Variants in ABCA6 observed in about 807,000 individuals in gnomAD.
The protein encoded by ABCA6 is ATP-binding cassette sub-family A member 6.
ABCA6 carries 164 observed loss-of-function variants against 191.2 expected under a neutral mutation model. The ratio of observed to expected loss-of-function variants is 0.86; its 90% CI spans 0.76 to 0.98. The LOEUF (loss-of-function observed/expected upper bound fraction) is 0.98, where lower values mean the gene tolerates loss of function less well. ABCA6 is among the 50% of genes least tolerant of loss of function. ABCA6 has a pLI of 0.00. For synonymous variants in ABCA6, 636 were observed against 647.7 expected (o/e 0.98, Z 0.27); for missense variants, 1,958 against 1,894.1 (o/e 1.03, Z -0.63).
chr17:69,104,746 G>C (rs933383475), intron 20 of ABCA6: 2 of 148,914 alleles, frequency 1.3e-5, no homozygotes, highest in African/African-American at 4.9e-5. Context: ...AAGGAGGGCA[G>C]ATCACTTGAG....
rs1598435109 is a variant in ABCA6, at chr17:69,079,044, C to T, written c.4783G>A (p.Val1595Ile). 1 of 1,612,096 alleles carries T rather than the reference C, an allele frequency of 6.2e-7. No individual in the cohort carries two copies. The highest frequency in any genetic ancestry group is 2.2e-5 in the East Asian group (1 of 44,746). ...VFLELSKEQEVGNFDEEIDTT... is the reference protein window; with the variant it reads ...VFLELSKEQEIGNFDEEIDTT... ...TCAATTTCTTCATCAAAATTTCCTA[C>T]TTCCTGTTCTTTAGAAAGCTCTAAG... The change falls in exon 39 of 39, where the codon GTA (valine) becomes ATA (isoleucine). Residue 1595 changes from valine to isoleucine, a missense_variant. Coordinates refer to ENST00000284425, the MANE Select transcript of ABCA6 (RefSeq NM_080284.3).
chr17:69,088,088 A>G, intron 28 of ABCA6, 79 bp downstream of exon 28: 9 of 1,230,012 alleles, frequency 7.3e-6, no homozygotes, highest in Non-Finnish European at 9.0e-6. Context: ...GTAAATCTGT[A>G]TTAACAAGAT....
At chr17:69,093,164 A>T (rs982682124) in intron 25 of ABCA6, among the ~76,000 whole-genome samples, 2 of 152,164 alleles carry the variant, frequency 1.3e-5, no homozygotes, top group African/African-American at 4.8e-5. Context: ...CAAGTTACTA[A>T]ATTTTTTCCT....
At chr17:69,088,348 G>A in intron 27 of ABCA6, 90 bp from the exon 28 acceptor site, 2 of 1,012,852 alleles carry the variant, frequency 2.0e-6, no homozygotes, top group Non-Finnish European at 2.8e-6. Context: ...TTTGTCTTTG[G>A]GTAAATAGTT....
At position 69,128,793 on chromosome 17, in the gene ABCA6, C is replaced by T. The variant is rs1219639687; in HGVS notation, c.945G>A (p.Val315=). 12 of 1,590,040 alleles carry T rather than the reference C, an allele frequency of 7.5e-6. No homozygotes were observed. The East Asian group carries it at 2.5e-4, about 33-fold the overall frequency. Residue 315 remains valine, a synonymous_variant, in exon 8 of 39, where the codon GTG becomes GTA. Coordinates refer to ENST00000284425, the MANE Select transcript of ABCA6 (RefSeq NM_080284.3). ...TCTTTAACAGCACACTCATCAGGAA[C>T]ACCAAAGCTACCTGCAAGAGAGAGA... The part of the protein sequence containing the change: ...FLYGLSLVAL[V]FLMSVLLKKA...
intron 10 of ABCA6, among the ~76,000 whole-genome samples, chr17:69,122,537 T>C (rs1028264736): frequency 5.3e-5 from 8 of 152,024 alleles, no homozygotes; most frequent in Non-Finnish European, 8.8e-5. Flanking sequence ...CTGAGACTCA[T>C]AAAATTTACT....
At chr17:69,106,744 A>G (rs1232421161) in intron 18 of ABCA6, among the ~76,000 whole-genome samples, 2 of 152,128 alleles carry the variant, frequency 1.3e-5, no homozygotes, top group Non-Finnish European at 1.5e-5. Flanking sequence ...ATAATTGCCA[A>G]TGGTGATAAA....
At chr17:69,103,128 C>T (rs552283686) in intron 20 of ABCA6, among the ~76,000 whole-genome samples, 160 bp from the exon 21 acceptor site, 36 of 152,196 alleles carry the variant, frequency 2.4e-4, no homozygotes, top group African/African-American at 8.7e-4. Context: ...CCACACTGTA[C>T]CATCTTCTAT....
intron 18 of ABCA6, among the ~76,000 whole-genome samples, chr17:69,106,709 T>C (rs2073314145): frequency 6.6e-6 from 1 of 152,158 alleles, no homozygotes. Flanking sequence ...CTGCCATCTA[T>C]ATTTTCTTTC....
At chr17:69,112,533 A>T (rs1264359906) in intron 15 of ABCA6, 5 of 343,672 alleles carry the variant, frequency 1.5e-5, no homozygotes, top group Non-Finnish European at 2.7e-5. Flanking sequence ...GTCTATTATC[A>T]TAAGTGAAAC....
intron 18 of ABCA6, among the ~76,000 whole-genome samples, chr17:69,106,914 C>T (rs907104736): frequency 2.0e-5 from 3 of 152,150 alleles, no homozygotes; most frequent in African/African-American, 7.2e-5. Flanking sequence ...CTCATTGTGC[C>T]CAATCTTTGA....
intron 23 of ABCA6, among the ~76,000 whole-genome samples, 153 bp from the exon 24 acceptor site, chr17:69,096,954 A>G (rs567414514): frequency 1.3e-5 from 2 of 152,326 alleles, no homozygotes; most frequent in African/African-American, 4.8e-5. Flanking sequence ...GCTTAGTAAC[A>G]TGAGGCTTAT....
rs1598462058 is a variant in ABCA6, at chr17:69,103,093, T to A, written c.2741-125A>T. The A allele has an allele frequency of 1.2e-5, 7 of 574,964 alleles. No homozygotes were observed. In the East Asian group the frequency reaches 2.3e-4, roughly 19 times the overall value. 35.6% of individuals were successfully genotyped at this position (574,964 alleles called of 1,614,324 possible). A position where few individuals can be genotyped will look rare whatever the true frequency, so the allele number is the denominator to read the frequency against. On this transcript the variant is annotated intron_variant, in intron 20 of 38. Transcript: ENST00000284425. ...AATACTATGTATAAATGTCTTTCTT[T>A]GGGTATCACAATAATAATATTGACC...
In ABCA6 at chr17:69,089,282, A is replaced by C. The variant is rs535847604; in HGVS notation, c.3606+183T>G. ...TAATTTAATATTAACTTTTGGACAC[A>C]TATAGCCAATCCAAGCATGTAAAAA... On this transcript the variant is annotated intron_variant, in intron 27 of 38. Transcript: ENST00000284425. Among the ~76,000 whole-genome samples the C allele has an allele frequency of 1.7e-3, 261 of 152,364 alleles. 1 individual carries two copies. The highest frequency in any genetic ancestry group is 6.1e-3 in the African/African-American group (252 of 41,590).
intron 10 of ABCA6, among the ~76,000 whole-genome samples, chr17:69,118,639 G>A (rs1243988582): frequency 6.6e-6 from 1 of 152,048 alleles, no homozygotes; most frequent in Non-Finnish European, 1.5e-5. Flanking sequence ...ATGAGTCACT[G>A]TTGATGACTT....
intron 6 of ABCA6, among the ~76,000 whole-genome samples, chr17:69,130,653 C>T (rs2144710192): frequency 6.6e-6 from 1 of 152,204 alleles, no homozygotes. Flanking sequence ...GAAAAATGTA[C>T]AAGAGTGTTT....
intron 25 of ABCA6, among the ~76,000 whole-genome samples, chr17:69,093,572 C>T (rs2072977137): frequency 1.3e-5 from 2 of 152,172 alleles, no homozygotes; most frequent in Non-Finnish European, 1.5e-5. Flanking sequence ...GTTTTTCCCG[C>T]CCCAAAATGC....
rs551671087 is a variant in ABCA6 at position 69,133,600 on chromosome 17, T to C, written c.791+41A>G. ...AACACTTTTTCACTGCTTCTTAATT[T>C]TCCTGTTTATTAATTTGCACTACTT... On this transcript the variant is annotated intron_variant, in intron 6 of 38. Transcript: ENST00000284425. 1.3e-5 allele frequency: 18 copies of C among 1,387,930 alleles called. No homozygotes were observed. The South Asian group carries it at 2.4e-4, about 18-fold the overall frequency. The allele number at this position is 1,387,930 out of a possible 1,614,324, so 86.0% of individuals were successfully genotyped here.
At chr17:69,130,625 C>T (rs563353448) in intron 6 of ABCA6, among the ~76,000 whole-genome samples, 48 of 152,268 alleles carry the variant, frequency 3.2e-4, no homozygotes, top group African/African-American at 6.5e-4. Context: ...AGAACATTCT[C>T]GTACTTGTCT....
Sources: allele counts gnomAD v4.1 joint callset (sites outside exome capture counted in the v4.1 genomes callset), GRCh38; gene constraint gnomAD v4.1.1; transcripts MANE v1.5; gene names NCBI Gene and HGNC (gene_info 2026-07-23, HGNC 2026-07-21).